SETBP1: variants seen among roughly 807,000 people sequenced by gnomAD.
The protein encoded by SETBP1 is SET binding protein 1, also known as SET-binding protein.
SETBP1 carries 9 observed loss-of-function variants against 101.0 expected under a neutral mutation model. The ratio of observed to expected loss-of-function variants is 0.09; its 90% confidence interval spans 0.05 to 0.16. The LOEUF is 0.16. Ranked by LOEUF, SETBP1 falls within the 10% of genes least tolerant of loss-of-function variation. The probability of loss-of-function intolerance (pLI) is 1.00; values close to 1 mark genes in which losing one functional copy is unlikely to be tolerated. For synonymous variants in SETBP1, 818 were observed against 788.5 expected, an observed-to-expected ratio of 1.04 and a Z score of -0.63; for missense variants, 1,858 against 2,033.8, an observed-to-expected ratio of 0.91 and a Z score of 1.66.
At chr18:44,754,113 C>T (rs1031180862) in intron 2 of SETBP1, among the ~76,000 whole-genome samples, 2 of 152,256 alleles carry the variant, frequency 1.3e-5, no homozygotes, top group Admixed American at 6.5e-5. Context: ...ACAGCTTCCC[C>T]AGTATTTGAA....
intron 1 of SETBP1, 23 bp from the exon 2 acceptor site, chr18:44,701,152 C>T (rs2069109043): frequency 2.0e-6 from 1 of 495,130 alleles, no homozygotes. Flanking sequence ...TCTGCCATGC[C>T]TAACTGTCTC....
intron 3 of SETBP1, among the ~76,000 whole-genome samples, chr18:44,899,550 A>T (rs879500135): frequency 6.6e-6 from 1 of 152,164 alleles, no homozygotes; most frequent in Non-Finnish European, 1.5e-5. Context: ...CACTCAGCTC[A>T]GGACTGGCTT....
chr18:44,890,304 G>A (rs746305656), intron 3 of SETBP1, among the ~76,000 whole-genome samples: 19 of 152,060 alleles, frequency 1.2e-4, no homozygotes, highest in Non-Finnish European at 1.9e-4. Flanking sequence ...CTGCAGTATC[G>A]CCAAATCTTT....
intron 3 of SETBP1, chr18:44,877,303 G>A (rs974748176): frequency 2.0e-5 from 15 of 749,990 alleles, no homozygotes; most frequent in African/African-American, 7.6e-5. Flanking sequence ...CACACAAAAA[G>A]TATGGATTAA....
At chr18:44,887,164 T>A (rs1309609129) in intron 3 of SETBP1, among the ~76,000 whole-genome samples, 1 of 152,102 alleles carries the variant, frequency 6.6e-6, no homozygotes, top group Non-Finnish European at 1.5e-5. Context: ...TCCCTTTGAG[T>A]GTTACTGGAA....
Position 44,777,497 on chromosome 18 carries a change from G to A in SETBP1, c.486+75665G>A, listed in dbSNP as rs1050154821. On this transcript the variant is annotated intron_variant, in intron 2 of 5. Transcript: ENST00000649279. The stretch of plus-strand genomic sequence containing the variant: ...TGTGGACCTGACTGGTTCCTGGCCC[G>A]GCACCATTCCGCGTATGTCCTGGGG... 3.9e-5 allele frequency among the ~76,000 whole-genome samples: 6 copies of A among 152,086 alleles called. No individual in the cohort carries two copies. In the South Asian group the frequency reaches 6.2e-4, roughly 16 times the overall value.
At chr18:44,893,214 A>G (rs749147666) in intron 3 of SETBP1, among the ~76,000 whole-genome samples, 2 of 152,194 alleles carry the variant, frequency 1.3e-5, no homozygotes, top group African/African-American at 2.4e-5. Context: ...GGGTTAGAAC[A>G]GATCCTGTCA....
intron 4 of SETBP1, among the ~76,000 whole-genome samples, chr18:45,030,570 A>C (rs1269498056): frequency 1.3e-5 from 2 of 149,638 alleles, no homozygotes; most frequent in Non-Finnish European, 3.0e-5. Context: ...TGATTGGAAT[A>C]GTTTCAGAAG....
At chr18:45,046,724 G>C (rs1303346794) in intron 5 of SETBP1, among the ~76,000 whole-genome samples, 1 of 152,142 alleles carries the variant, frequency 6.6e-6, no homozygotes, top group African/African-American at 2.4e-5. Flanking sequence ...GTTTCACTAG[G>C]GCAGCAACCA....
At chr18:44,716,377 G>A (rs1037939) in intron 2 of SETBP1, among the ~76,000 whole-genome samples, 84,362 of 151,902 alleles carry the variant, frequency 0.56, 23,684 homozygotes, top group Middle Eastern at 0.67. Flanking sequence ...CACCACTGAC[G>A]GAAGTTTTTC....
chr18:44,984,080 A>G (rs528036639), intron 4 of SETBP1, among the ~76,000 whole-genome samples: 2 of 152,264 alleles, frequency 1.3e-5, no homozygotes, highest in African/African-American at 4.8e-5. Context: ...ATGAGCCTGT[A>G]ATCCCAGCTA....
At chr18:45,036,349 A>AAT (rs1178793183) in intron 4 of SETBP1, among the ~76,000 whole-genome samples, 6 of 148,056 alleles carry the variant, frequency 4.1e-5, no homozygotes, top group Admixed American at 1.3e-4. Context: ...AAAAAAAAAA[A>AAT]GGCTAAGAAG....
At chr18:44,856,801 A>G (rs917111119) in intron 2 of SETBP1, among the ~76,000 whole-genome samples, 1 of 152,230 alleles carries the variant, frequency 6.6e-6, no homozygotes, top group African/African-American at 2.4e-5. Context: ...ACTGCTGTTA[A>G]CATGCACATG....
At position 44,720,908 on chromosome 18, in the gene SETBP1, C is replaced by G. The variant is rs4890488; in HGVS notation, c.486+19076C>G. On this transcript the variant is annotated intron_variant, in intron 2 of 5. Coordinates refer to ENST00000649279, the MANE Select transcript of SETBP1 (RefSeq NM_015559.3). ...AAGCAATGGAGCCCTCCAACCCCCA[C>G]CCCCCACCCCAACCCCTTGGGGAGA... Among the ~76,000 whole-genome samples, 27 of 34,656 alleles carry G rather than the reference C, an allele frequency of 7.8e-4. 1 individual carries two copies. Among genetic ancestry groups the G allele is most frequent in the African/African-American group, 2.4e-3 (20 of 8,440 alleles). The allele number at this position is 34,656 out of a possible 152,430, so 22.7% of individuals were successfully genotyped here. A position where few individuals can be genotyped will look rare whatever the true frequency, so the allele number is the denominator to read the frequency against.
intron 4 of SETBP1, among the ~76,000 whole-genome samples, chr18:44,999,945 G>C (rs2051973313): frequency 1.3e-5 from 2 of 152,208 alleles, no homozygotes; most frequent in Non-Finnish European, 2.9e-5. Flanking sequence ...TCAAAAGAAA[G>C]AGAATAAGCA....
chr18:44,856,224 G>T (rs1318492038), intron 2 of SETBP1, among the ~76,000 whole-genome samples: 1 of 152,122 alleles, frequency 6.6e-6, no homozygotes, highest in Non-Finnish European at 1.5e-5. Flanking sequence ...AAGGGCTATT[G>T]CTGTGTCACT....
chr18:44,963,585 C>T (rs1298784160), intron 4 of SETBP1, among the ~76,000 whole-genome samples: 1 of 152,036 alleles, frequency 6.6e-6, no homozygotes, highest in Non-Finnish European at 1.5e-5. Flanking sequence ...CAAAAACTTG[C>T]ATTTTAAAAA....
chr18:44,987,819 T>C (rs1387826669), intron 4 of SETBP1: 1 of 152,256 alleles, frequency 6.6e-6, no homozygotes, highest in Non-Finnish European at 1.5e-5. Context: ...TGTGCCTGTA[T>C]GTATGAGAGT....
At chr18:44,973,080 G>C (rs963865121) in intron 4 of SETBP1, among the ~76,000 whole-genome samples, 1 of 152,110 alleles carries the variant, frequency 6.6e-6, no homozygotes, top group Non-Finnish European at 1.5e-5. Context: ...AGAGTTTTTA[G>C]CATAAAGGGT....
Sources: gnomAD v4.1 joint callset for allele counts (sites outside exome capture counted in the v4.1 genomes callset) on GRCh38, gnomAD v4.1.1 for gene constraint, MANE v1.5 for transcripts, NCBI Gene and HGNC (gene_info 2026-07-23, HGNC 2026-07-21) for gene names.